COL11A1: variants seen among roughly 807,000 people sequenced by gnomAD.
The protein encoded by COL11A1 is collagen type XI alpha 1 chain.
Under a neutral mutation model 265.2 loss-of-function variants are expected in COL11A1, and 74 were observed. The ratio of observed to expected loss-of-function variants is 0.28; its 90% CI spans 0.23 to 0.34. The LOEUF (loss-of-function observed/expected upper bound fraction) is 0.34, where lower values mean the gene tolerates loss of function less well. Ranked by LOEUF, COL11A1 falls within the 10% of genes least tolerant of loss-of-function variation. The pLI is 1.00. For missense variants in COL11A1, 2,165 were observed against 2,263.6 expected, an observed-to-expected ratio of 0.96 and a Z score of 0.88; for synonymous variants, 816 against 727.6, an observed-to-expected ratio of 1.12 and a Z score of -1.96.
intron 58 of COL11A1, among the ~76,000 whole-genome samples, chr1:102,890,105 G>T (rs1385522714): frequency 6.6e-6 from 1 of 151,994 alleles, no homozygotes; most frequent in African/African-American, 2.4e-5. Flanking sequence ...GATATTTCTA[G>T]TTTAAAATTT....
At chr1:103,035,492 C>T (rs1203176753) in intron 4 of COL11A1, among the ~76,000 whole-genome samples, 1 of 152,038 alleles carries the variant, frequency 6.6e-6, no homozygotes, top group Non-Finnish European at 1.5e-5. Context: ...TTGTGGACTT[C>T]AGAAATATCT....
intron 41 of COL11A1, among the ~76,000 whole-genome samples, chr1:102,951,508 T>A (rs1659874637): frequency 1.3e-5 from 2 of 152,148 alleles, no homozygotes; most frequent in East Asian, 3.9e-4. Flanking sequence ...CCATCCTGGC[T>A]AACACGGTGA....
chr1:103,003,386 T>G, intron 20 of COL11A1, 118 bp from the exon 21 acceptor site: 3 of 1,085,798 alleles, frequency 2.8e-6, no homozygotes, highest in Non-Finnish European at 4.1e-6. Flanking sequence ...GGACATCTTT[T>G]ATTAACACAC....
intron 42 of COL11A1, among the ~76,000 whole-genome samples, chr1:102,946,554 C>G (rs1659295487): frequency 6.6e-6 from 1 of 150,426 alleles, no homozygotes; most frequent in East Asian, 1.9e-4. Flanking sequence ...GGTATAGCTT[C>G]AATAAAAAAC....
intron 44 of COL11A1, among the ~76,000 whole-genome samples, chr1:102,938,675 G>A (rs1283267851): frequency 6.6e-6 from 1 of 151,942 alleles, no homozygotes; most frequent in Non-Finnish European, 1.5e-5. Context: ...ATAACATATG[G>A]GAATAAGTGA....
chr1:103,018,791 A>G, intron 10 of COL11A1, 27 bp downstream of exon 10: 1 of 1,590,482 alleles, frequency 6.3e-7, no homozygotes, highest in Non-Finnish European at 8.6e-7. Context: ...TTAAATAGAC[A>G]AAAATAATCT....
rs1665442949 is a variant in COL11A1, at chr1:103,004,788, T to C, written c.1846-127A>G. The C allele has an allele frequency of 6.7e-6, 5 of 745,678 alleles. No homozygotes were observed. The African/African-American group carries it at 7.1e-5, about 11-fold the overall frequency. 46.2% of individuals were successfully genotyped at this position (745,678 alleles called of 1,614,324 possible). A position where few individuals can be genotyped will look rare whatever the true frequency, so the allele number is the denominator to read the frequency against. ...GGGAAAATATATGCTTTATTTACCCTCCTCAAAAAATTTTGCAGATAAATC... is the reference window on the plus strand; with the variant it reads ...GGGAAAATATATGCTTTATTTACCCCCCTCAAAAAATTTTGCAGATAAATC... On this transcript the variant is annotated intron_variant, in intron 18 of 66. Transcript: ENST00000370096.
Position 103,003,299 on chromosome 1 carries a change from T to C in COL11A1, c.1945-31A>G, listed in dbSNP as rs763575661. 3 of 1,399,350 alleles carry C rather than the reference T, an allele frequency of 2.1e-6. No homozygotes were observed. The East Asian group carries it at 7.9e-5, about 37-fold the overall frequency. The allele number at this position is 1,399,350 out of a possible 1,614,324, so 86.7% of individuals were successfully genotyped here. A position where few individuals can be genotyped will look rare whatever the true frequency, so the allele number is the denominator to read the frequency against. ...AGAAAAAGAAAAAGCACGCCTTTAT[T>C]AAAAAAAAAAAATGTCCTAATAACA... is the stretch of plus-strand genomic sequence containing the variant. On this transcript the variant is annotated intron_variant, in intron 20 of 66. Transcript: ENST00000370096.
At chr1:102,890,753 A>G (rs1488708510) in intron 57 of COL11A1, among the ~76,000 whole-genome samples, 1 of 152,134 alleles carries the variant, frequency 6.6e-6, no homozygotes, top group Non-Finnish European at 1.5e-5. Context: ...ACATGGTTAT[A>G]TGGCTTTTCA....
rs185126539 is a variant in COL11A1, at chr1:102,958,332, A to G, written c.3168+3534T>C. On this transcript the variant is annotated intron_variant, in intron 41 of 66. Transcript: ENST00000370096. ...CTACTCCTGATTCTTTTTTTTTTCA[A>G]TATTAATTGCAAGGGAAACTCATAG... Among the ~76,000 whole-genome samples, 258 of 151,798 alleles carry G rather than the reference A, an allele frequency of 1.7e-3. 1 individual carries two copies. The highest frequency in any genetic ancestry group is 0.01 in the Middle Eastern group (3 of 294).
intron 24 of COL11A1, 72 bp from the exon 25 acceptor site, chr1:102,998,435 G>A: frequency 9.5e-7 from 1 of 1,048,022 alleles, no homozygotes; most frequent in Non-Finnish European, 1.4e-6. Context: ...CATATACTAT[G>A]AATGAAATTC....
At chr1:103,062,694 G>A (rs1670764997) in intron 4 of COL11A1, among the ~76,000 whole-genome samples, 1 of 151,952 alleles carries the variant, frequency 6.6e-6, no homozygotes, top group Admixed American at 6.6e-5. Flanking sequence ...CAGAAAGAAG[G>A]CAAGGATGTC....
chr1:103,070,826 C>T (rs1331582000), intron 4 of COL11A1, among the ~76,000 whole-genome samples: 4 of 151,724 alleles, frequency 2.6e-5, no homozygotes, highest in Admixed American at 1.3e-4. Flanking sequence ...ATAGGAAAAC[C>T]ATGTCTACTA....
intron 14 of COL11A1, among the ~76,000 whole-genome samples, chr1:103,011,724 T>C (rs1354828934): frequency 1.3e-5 from 2 of 152,008 alleles, no homozygotes; most frequent in Admixed American, 6.5e-5. Context: ...AAAACAAATA[T>C]TTAAAATATA....
rs78368739 is a variant in COL11A1 at position 102,883,297 on chromosome 1, C to T, written c.4873G>A (p.Asp1625Asn). The T allele has an allele frequency of 6.2e-7, 1 of 1,611,154 alleles. No homozygotes were observed. Among genetic ancestry groups the T allele is most frequent in the Non-Finnish European group, 8.5e-7 (1 of 1,177,620 alleles). Residue 1625 changes from aspartate (D) to asparagine (N), a missense_variant, in exon 64 of 67, where the codon GAT (aspartate) becomes AAT (asparagine). Transcript: ENST00000370096. ...PDFPDGEYWI[D>N]PNQGCSGDSF... ...TCTCCTGAGCAACCTTGGTTAGGAT[C>T]AATCCAATATTCACCTAGAAGGTAG...
At chr1:102,981,595 T>C (rs116129457) in intron 31 of COL11A1, among the ~76,000 whole-genome samples, 2 of 152,018 alleles carry the variant, frequency 1.3e-5, no homozygotes, top group Admixed American at 6.6e-5. Flanking sequence ...GTTGAATATA[T>C]GGAAATGTTA....
At position 102,877,835 on chromosome 1, in the gene COL11A1, T is replaced by C. The variant is rs1400606980; in HGVS notation, c.*184A>G. Reference sequence around the variant, plus strand: ...TTAGCCACACCAACTTATATCTTTATGATTTTCAAAGCTTTTGCCATGTGA... The same window carrying C: ...TTAGCCACACCAACTTATATCTTTACGATTTTCAAAGCTTTTGCCATGTGA... On this transcript the variant is annotated 3_prime_UTR_variant, in exon 67 of 67. Transcript: ENST00000370096. 26 of 583,606 alleles carry C rather than the reference T, an allele frequency of 4.5e-5. No homozygotes were observed. Among genetic ancestry groups the C allele is most frequent in the Non-Finnish European group, 7.3e-5 (24 of 327,912 alleles). 36.2% of individuals were successfully genotyped at this position (583,606 alleles called of 1,614,324 possible). A position where few individuals can be genotyped will look rare whatever the true frequency, so the allele number is the denominator to read the frequency against.
In COL11A1 at chr1:103,004,608, C is replaced by T. The variant is rs1665425048; in HGVS notation, c.1899G>A (p.Arg633=). Residue 633 remains arginine, a splice_region_variant and synonymous_variant, in exon 19 of 67, where the codon AGG becomes AGA. Coordinates refer to ENST00000370096, the MANE Select transcript of COL11A1 (RefSeq NM_001854.4). ...CTTAAGAAAAGAAGTATTAACATAC[C>T]CTCATTCCATCATCACCAGGAGGAC... ...PPGPPGDDGM[R]GEDGEIGPRG... 4 of 1,607,670 alleles carry T rather than the reference C, an allele frequency of 2.5e-6. No individual in the cohort carries two copies. The highest frequency in any genetic ancestry group is 1.1e-5 in the South Asian group (1 of 90,530).
intron 1 of COL11A1, among the ~76,000 whole-genome samples, chr1:103,084,467 C>T (rs1309510316): frequency 6.6e-6 from 1 of 151,988 alleles, no homozygotes; most frequent in Non-Finnish European, 1.5e-5. Flanking sequence ...TGGAAACAAT[C>T]CAAGTTTCTT....
Sources: allele counts gnomAD v4.1 joint callset (sites outside exome capture counted in the v4.1 genomes callset), GRCh38; gene constraint gnomAD v4.1.1; transcripts MANE v1.5; gene names NCBI Gene and HGNC (gene_info 2026-07-23, HGNC 2026-07-21).